CNTNAP5: variants seen among roughly 807,000 people sequenced by gnomAD.
CNTNAP5 encodes the protein contactin-associated protein-like 5.
CNTNAP5 carries 72 observed loss-of-function variants against 150.2 expected under a neutral mutation model. The ratio of observed to expected loss-of-function variants is 0.48; its 90% CI spans 0.40 to 0.58. The LOEUF is 0.58. CNTNAP5 is among the 20% of genes least tolerant of loss of function. The probability of loss-of-function intolerance (pLI) is 0.00; values close to 1 mark genes in which losing one functional copy is unlikely to be tolerated. For missense variants in CNTNAP5, 1,636 were observed against 1,626.2 expected (o/e 1.01, Z -0.10); for synonymous variants, 672 against 619.8 (o/e 1.08, Z -1.25).
At chr2:124,371,706 G>A (rs1198830857) in intron 3 of CNTNAP5, among the ~76,000 whole-genome samples, 1 of 151,718 alleles carries the variant, frequency 6.6e-6, no homozygotes, top group East Asian at 2.0e-4. Context: ...GGGAGATATG[G>A]AAAGATACAG....
Position 124,790,048 on chromosome 2 carries a change from A to G in CNTNAP5, c.2899A>G (p.Ile967Val), listed in dbSNP as rs761819764. 4 of 1,613,964 alleles carry G rather than the reference A, an allele frequency of 2.5e-6. No homozygotes were observed. The highest frequency in any genetic ancestry group is 3.4e-6 in the Non-Finnish European group (4 of 1,179,860). ...CPGHCSSYGS[I>V]CHNGGKCVEK... is the part of the protein sequence containing the mutation. ...CGGCCACTGCAGCAGCTACGGCAGC[A>G]TCTGCCACAACGGGGGCAAGTGTGT... Residue 967 changes from isoleucine (I) to valine (V), a missense_variant, in exon 18 of 24, where the codon ATC becomes GTC. Transcript: ENST00000682447.
intron 5 of CNTNAP5, among the ~76,000 whole-genome samples, chr2:124,439,995 G>C (rs984193149): frequency 6.6e-6 from 1 of 152,156 alleles, no homozygotes; most frequent in Non-Finnish European, 1.5e-5. Context: ...GGGAGAATGA[G>C]AGTATCCATT....
chr2:124,609,626 A>G (rs1294636117), intron 11 of CNTNAP5, among the ~76,000 whole-genome samples, 175 bp from the exon 12 acceptor site: 1 of 152,170 alleles, frequency 6.6e-6, no homozygotes, highest in East Asian at 1.9e-4. Context: ...TCTGAATGTC[A>G]AACATCAGTA....
rs370628243 is a variant in CNTNAP5, at chr2:124,560,495, G to A, written c.1650-2722G>A. Among the ~76,000 whole-genome samples the A allele has an allele frequency of 2.4e-4, 36 of 148,624 alleles. No individual in the cohort carries two copies. The East Asian group carries it at 4.8e-3, about 20-fold the overall frequency. ...GATCTTGCCACTGCACTCCAGCCTGGGTGACAGAGCAAGACTCCATTTCAA... is the reference window on the plus strand; with the variant it reads ...GATCTTGCCACTGCACTCCAGCCTGAGTGACAGAGCAAGACTCCATTTCAA... On this transcript the variant is annotated intron_variant, in intron 10 of 23. Transcript: ENST00000682447.
Position 124,221,807 on chromosome 2 carries a change from T to C in CNTNAP5, c.185T>C (p.Val62Ala). The change falls in exon 2 of 24, where the codon GTT (valine) becomes GCT (alanine). Residue 62 changes from valine (V) to alanine (A), a missense_variant and splice_region_variant. By Grantham distance (64) the Val-to-Ala change is moderately conservative. Transcript: ENST00000682447. ...AGCCCAGCTCAACTCAACTGGAGAG[T>C]TGGTAAGTAGGCTGACTGAAATCCT... Reference protein sequence around the residue: ...THSPAQLNWRVGTGGWSPADS... With the variant: ...THSPAQLNWRAGTGGWSPADS... 1 of 1,597,198 alleles carries C rather than the reference T, an allele frequency of 6.3e-7. No homozygotes were observed. The highest frequency in any genetic ancestry group is 1.7e-4 in the Middle Eastern group (1 of 6,034).
intron 19 of CNTNAP5, among the ~76,000 whole-genome samples, chr2:124,852,711 TGTTGTA>T (rs1361090601): frequency 6.6e-6 from 1 of 152,142 alleles, no homozygotes; most frequent in Non-Finnish European, 1.5e-5. Flanking sequence ...AGTTCAGATG[TGTTGTA>T]GTTGTTCAAG....
At chr2:124,599,133 CGGA>C (rs1369337454) in intron 11 of CNTNAP5, among the ~76,000 whole-genome samples, 2 of 152,130 alleles carry the variant, frequency 1.3e-5, no homozygotes, top group Non-Finnish European at 2.9e-5. Context: ...AGCTGTAGAC[CGGA>C]GCTGTTCCTA....
chr2:124,668,907 A>G (rs1049721678), intron 13 of CNTNAP5, among the ~76,000 whole-genome samples: 1 of 152,126 alleles, frequency 6.6e-6, no homozygotes, highest in Non-Finnish European at 1.5e-5. Flanking sequence ...CCTCAGACAC[A>G]TCCTTTAAGG....
intron 1 of CNTNAP5, among the ~76,000 whole-genome samples, chr2:124,126,631 C>T (rs1429700682): frequency 1.3e-5 from 2 of 152,124 alleles, no homozygotes; most frequent in Non-Finnish European, 2.9e-5. Flanking sequence ...GTCCAATATC[C>T]CTGATGAACA....
chr2:124,635,138 T>C (rs1314516084), intron 12 of CNTNAP5, among the ~76,000 whole-genome samples: 4 of 152,160 alleles, frequency 2.6e-5, no homozygotes, highest in Non-Finnish European at 4.4e-5. Context: ...TTCCACAGGC[T>C]GTACAGGAAG....
rs759224833 is a variant in CNTNAP5 at position 124,764,117 on chromosome 2, A to T, written c.2503A>T (p.Ile835Phe). 1.2e-6 allele frequency: 2 copies of T among 1,613,136 alleles called. No individual in the cohort carries two copies. Among genetic ancestry groups the T allele is most frequent in the South Asian group, 2.2e-5 (2 of 91,050 alleles). ...LSGVFLENLG[I>F]KDFIRLEISS... is the part of the protein sequence containing the mutation. ...CGGAGTTTTCCTAGAAAATCTTGGC[A>T]TTAAAGACTTCATTCGACTCGAAAT... is the stretch of plus-strand genomic sequence containing the variant. The change falls in exon 16 of 24, where the codon ATT becomes TTT. Residue 835 changes from isoleucine to phenylalanine, a missense_variant. Transcript: ENST00000682447.
At chr2:124,848,182 C>A (rs1229677181) in intron 19 of CNTNAP5, among the ~76,000 whole-genome samples, 1 of 152,084 alleles carries the variant, frequency 6.6e-6, no homozygotes, top group African/African-American at 2.4e-5. Context: ...CTCTCGTTTC[C>A]CCAAACCCCA....
At chr2:124,904,365 C>A (rs1678485039) in intron 22 of CNTNAP5, among the ~76,000 whole-genome samples, 1 of 151,964 alleles carries the variant, frequency 6.6e-6, no homozygotes, top group Admixed American at 6.6e-5. Context: ...TATCTTTAAT[C>A]ATTTAAGCAT....
intron 19 of CNTNAP5, among the ~76,000 whole-genome samples, chr2:124,807,138 C>A (rs1029230089): frequency 6.6e-6 from 1 of 152,214 alleles, no homozygotes; most frequent in African/African-American, 2.4e-5. Context: ...GGCCTGAGCT[C>A]AGGGCTTATT....
intron 3 of CNTNAP5, among the ~76,000 whole-genome samples, chr2:124,330,847 A>T (rs1689333847): frequency 6.6e-6 from 1 of 152,210 alleles, no homozygotes. Flanking sequence ...TGCTTAAAAA[A>T]TGTCTTTTTG....
Position 124,914,136 on chromosome 2 carries a change from A to C in CNTNAP5, c.3772A>C (p.Ile1258Leu). The change falls in exon 24 of 24, where the codon ATC becomes CTC. Residue 1258 changes from isoleucine to leucine, a missense_variant. Physicochemically the swap from Ile to Leu is conservative, Grantham distance 5 (BLOSUM62 2). Coordinates refer to ENST00000682447, the MANE Select transcript of CNTNAP5 (RefSeq NM_001367498.1). ...ATTCATCATCTTCTGTATCATCGGC[A>C]TCATGACCCGGTTCCTCTACCAGCA... ...VIFIIFCIIG[I>L]MTRFLYQHKQ... 1.2e-6 allele frequency: 2 copies of C among 1,612,680 alleles called. No individual in the cohort carries two copies. Among genetic ancestry groups the C allele is most frequent in the Non-Finnish European group, 1.7e-6 (2 of 1,179,072 alleles).
intron 1 of CNTNAP5, among the ~76,000 whole-genome samples, chr2:124,142,987 C>T (rs1474236464): frequency 1.2e-5 from 1 of 85,234 alleles, no homozygotes; most frequent in African/African-American, 5.0e-5. Flanking sequence ...GAAATACAAA[C>T]TACCATCAGA....
chr2:124,205,425 T>C (rs930715334), intron 1 of CNTNAP5, among the ~76,000 whole-genome samples: 1 of 151,502 alleles, frequency 6.6e-6, no homozygotes, highest in African/African-American at 2.4e-5. Flanking sequence ...TCTTTTCTTT[T>C]TTTTTTTTTT....
At chr2:124,294,871 G>A (rs962426259) in intron 3 of CNTNAP5, among the ~76,000 whole-genome samples, 4 of 152,162 alleles carry the variant, frequency 2.6e-5, no homozygotes, top group Admixed American at 1.3e-4. Context: ...GGCTGGGAGC[G>A]CCGAGGCGGG....
Sources: gnomAD v4.1 joint callset for allele counts (sites outside exome capture counted in the v4.1 genomes callset) on GRCh38, gnomAD v4.1.1 for gene constraint, MANE v1.5 for transcripts, NCBI Gene and HGNC (gene_info 2026-07-23, HGNC 2026-07-21) for gene names.